FANCL: variants seen among roughly 807,000 people sequenced by gnomAD.
FANCL encodes the protein FA complementation group L.
FANCL carries 69 observed loss-of-function variants against 59.4 expected under a neutral mutation model. The ratio of observed to expected loss-of-function variants is 1.16; its 90% CI spans 0.96 to 1.42. The LOEUF is 1.42. FANCL is among the 40% of genes most tolerant of loss of function. The pLI, the probability that FANCL is intolerant of heterozygous loss-of-function variation, is 0.00. For missense variants in FANCL, 519 were observed against 447.2 expected (o/e 1.16, Z -1.45); for synonymous variants, 180 against 147.1 (o/e 1.22, Z -1.62).
At chr2:58,227,589 GCTCTCGATGTC>G (rs1227886760) in intron 3 of FANCL, among the ~76,000 whole-genome samples, 7 of 152,136 alleles carry the variant, frequency 4.6e-5, no homozygotes, top group Admixed American at 1.3e-4. Context: ...CTCTTGACAT[GCTCTCGATGTC>G]CTCTCGATGT....
intron 6 of FANCL, among the ~76,000 whole-genome samples, chr2:58,203,233 T>C (rs1009447078): frequency 6.6e-6 from 1 of 151,960 alleles, no homozygotes; most frequent in African/African-American, 2.4e-5. Context: ...CTGTCTGTTA[T>C]AGAACCACTA....
chr2:58,174,918 T>G (rs1406832011), intron 7 of FANCL, among the ~76,000 whole-genome samples: 1 of 151,630 alleles, frequency 6.6e-6, no homozygotes, highest in South Asian at 2.1e-4. Flanking sequence ...GAGAGAAGAA[T>G]CAAATAGATG....
Position 58,221,912 on chromosome 2 carries a change from CATTTAAAACATA to C in FANCL, c.374+18_374+29del, listed in dbSNP as rs775890254. 5.5e-5 allele frequency: 77 copies of C among 1,411,074 alleles called. No homozygotes were observed. The highest frequency in any genetic ancestry group is 6.9e-5 in the Non-Finnish European group (69 of 997,012). 87.4% of individuals were successfully genotyped at this position (1,411,074 alleles called of 1,614,324 possible). A position where few individuals can be genotyped will look rare whatever the true frequency, so the allele number is the denominator to read the frequency against. On this transcript the variant is annotated intron_variant, in intron 5 of 13. Coordinates refer to ENST00000233741, the MANE Select transcript of FANCL (RefSeq NM_018062.4). ...TAAGTTAAAATATATAAAACAAAGG[CATTTAAAACATA>C]TTTTAAAACAGACATACTTATCCCA... is the stretch of plus-strand genomic sequence containing the variant.
At chr2:58,227,556 G>A (rs1038774950) in intron 3 of FANCL, among the ~76,000 whole-genome samples, 1 of 152,152 alleles carries the variant, frequency 6.6e-6, no homozygotes, top group African/African-American at 2.4e-5. Flanking sequence ...TGGCCTGCCG[G>A]CATGCTGAAG....
At chr2:58,228,364 T>G (rs1693239391) in intron 3 of FANCL, among the ~76,000 whole-genome samples, 1 of 152,230 alleles carries the variant, frequency 6.6e-6, no homozygotes, top group African/African-American at 2.4e-5. Context: ...AACATAGCTT[T>G]GAGTGGGTCT....
chr2:58,240,794 T>C (rs898622329), intron 1 of FANCL, among the ~76,000 whole-genome samples: 6 of 152,182 alleles, frequency 3.9e-5, no homozygotes, highest in African/African-American at 1.4e-4. Context: ...AAATGTTCTT[T>C]CTACAGGAAA....
At chr2:58,221,659 T>C (rs543537373) in intron 5 of FANCL, among the ~76,000 whole-genome samples, 3 of 152,320 alleles carry the variant, frequency 2.0e-5, no homozygotes, top group African/African-American at 7.2e-5. Context: ...ATGGAAAATT[T>C]AGAATACAGT....
chr2:58,216,908 AC>A (rs1359566163), intron 5 of FANCL, among the ~76,000 whole-genome samples: 4 of 149,146 alleles, frequency 2.7e-5, no homozygotes, highest in Non-Finnish European at 5.9e-5. Flanking sequence ...ATGATTCCTG[AC>A]CCCCCAATCC....
chr2:58,205,818 T>C (rs894477751), intron 5 of FANCL, among the ~76,000 whole-genome samples: 6 of 152,046 alleles, frequency 3.9e-5, no homozygotes, highest in African/African-American at 9.7e-5. Flanking sequence ...GCAGAAATTA[T>C]GGGAATTTTT....
chr2:58,181,783 G>A (rs1424369352), intron 7 of FANCL, among the ~76,000 whole-genome samples: 10 of 151,710 alleles, frequency 6.6e-5, no homozygotes, highest in Non-Finnish European at 1.5e-4. Context: ...TTGGAGGGGG[G>A]AATGAATCTC....
intron 7 of FANCL, among the ~76,000 whole-genome samples, chr2:58,171,040 C>T (rs1686550717): frequency 6.6e-6 from 1 of 152,206 alleles, no homozygotes; most frequent in Admixed American, 6.5e-5. Flanking sequence ...TAGACATCTA[C>T]ACAACTCTCC....
chr2:58,160,803 T>G (rs1293426519), intron 12 of FANCL, among the ~76,000 whole-genome samples: 1 of 151,992 alleles, frequency 6.6e-6, no homozygotes, highest in African/African-American at 2.4e-5. Flanking sequence ...AAGTTCTCCA[T>G]TGGCAAAGTA....
At chr2:58,223,869 T>G (rs898530379) in intron 4 of FANCL, among the ~76,000 whole-genome samples, 11 of 151,954 alleles carry the variant, frequency 7.2e-5, no homozygotes, top group Non-Finnish European at 1.5e-4. Context: ...AACTACTGAT[T>G]TCATGTGAGC....
At chr2:58,164,526 T>C (rs1415236537) in intron 8 of FANCL, among the ~76,000 whole-genome samples, 4 of 152,040 alleles carry the variant, frequency 2.6e-5, no homozygotes, top group Non-Finnish European at 5.9e-5. Flanking sequence ...TATGGGCATA[T>C]TAACTAATTT....
chr2:58,230,570 C>G (rs6740836), intron 2 of FANCL, among the ~76,000 whole-genome samples: 9,397 of 152,228 alleles, frequency 0.062, 962 homozygotes, highest in African/African-American at 0.21. Context: ...TTAAGTAACT[C>G]TTCTAAGGAA....
chr2:58,172,868 CGAA>C (rs1391322295), intron 7 of FANCL, among the ~76,000 whole-genome samples: 1 of 151,994 alleles, frequency 6.6e-6, no homozygotes, highest in African/African-American at 2.4e-5. Flanking sequence ...AAACCAAAGG[CGAA>C]GAAGCTGAAA....
At position 58,163,510 on chromosome 2, in the gene FANCL, A is replaced by G. The variant is rs1685520012; in HGVS notation, c.699T>C (p.Asn233=). 1 of 1,583,704 alleles carries G rather than the reference A, an allele frequency of 6.3e-7. No individual in the cohort carries two copies. The highest frequency in any genetic ancestry group is 8.7e-7 in the Non-Finnish European group (1 of 1,153,118). ...ATARRIALGN[N]VSINIEVDPR... is the part of the protein sequence containing the mutation. ...GGTCTACCTCTATATTTATGGAAAC[A>G]TTATTACCTAGAATGAAACAAGATT... The change falls in exon 9 of 14, where the codon AAT becomes AAC. Residue 233 remains asparagine (N), a synonymous_variant. Coordinates refer to ENST00000233741, the MANE Select transcript of FANCL (RefSeq NM_018062.4).
intron 4 of FANCL, among the ~76,000 whole-genome samples, chr2:58,226,491 A>T (rs1693012853): frequency 6.6e-6 from 1 of 152,134 alleles, no homozygotes; most frequent in Non-Finnish European, 1.5e-5. Flanking sequence ...CCTGCCCAAC[A>T]CTAGTGTCAA....
intron 1 of FANCL, among the ~76,000 whole-genome samples, chr2:58,237,057 A>G (rs1694088667): frequency 6.6e-6 from 1 of 152,144 alleles, no homozygotes; most frequent in African/African-American, 2.4e-5. Flanking sequence ...GAAAAAGCAG[A>G]CAAAAAAGTC....
Sources: allele counts gnomAD v4.1 joint callset (sites outside exome capture counted in the v4.1 genomes callset), GRCh38; gene constraint gnomAD v4.1.1; transcripts MANE v1.5; gene names NCBI Gene and HGNC (gene_info 2026-07-23, HGNC 2026-07-21).